The following TAF15 variants were observed in gnomAD, a reference collection of about 807,000 sequenced individuals.
The protein encoded by TAF15 is TATA-box binding protein associated factor 15.
TAF15 carries 37 observed loss-of-function variants against 102.5 expected under a neutral mutation model. That is an observed-to-expected ratio of 0.36 (90% CI 0.28 to 0.47). TAF15 has a LOEUF of 0.47. Among genes scored for constraint, TAF15 ranks in the 20% least tolerant of loss-of-function variants. The pLI, the probability that TAF15 is intolerant of heterozygous loss-of-function variation, is 0.99. For missense variants in TAF15, 652 were observed against 760.7 expected (o/e 0.86, Z 1.68); for synonymous variants, 273 against 259.2 (o/e 1.05, Z -0.51).
At chr17:35,817,887 G>T (rs2087213550) in intron 2 of TAF15, 132 bp downstream of exon 2, 1 of 768,264 alleles carries the variant, frequency 1.3e-6, no homozygotes, top group Admixed American at 2.2e-5. Context: ...AAGAGAGTCA[G>T]TGTAAATAGG....
intron 7 of TAF15, 33 bp downstream of exon 7, chr17:35,824,231 T>A (rs756528015): frequency 1.3e-6 from 2 of 1,599,304 alleles, no homozygotes; most frequent in East Asian, 4.5e-5. Flanking sequence ...GTACATTTCT[T>A]CTTCTTCCTC....
intron 1 of TAF15, 59 bp from the exon 2 acceptor site, chr17:35,817,657 C>G: frequency 6.7e-7 from 1 of 1,491,066 alleles, no homozygotes; most frequent in Admixed American, 1.7e-5. Flanking sequence ...GAGCTAAAGT[C>G]AGCCTTTGAA....
In TAF15 at chr17:35,844,072, C is replaced by G. The variant is rs747887131; in HGVS notation, c.1007-5C>G. ...GATTTTTCTCCCCTGGCCCCATCCC[C>G]CTAGGCCGTGGAGGATATAGAGGTC... On this transcript the variant is annotated splice_polypyrimidine_tract_variant and splice_region_variant and intron_variant, in intron 12 of 15. Transcript: ENST00000605844. 1.2e-6 allele frequency: 2 copies of G among 1,614,014 alleles called. No individual in the cohort carries two copies. The highest frequency in any genetic ancestry group is 3.3e-5 in the Admixed American group (2 of 60,016).
chr17:35,816,681 C>CT (rs1344058735), intron 1 of TAF15: 2 of 152,022 alleles, frequency 1.3e-5, no homozygotes, highest in South Asian at 2.1e-4. Context: ...TCATTTGACT[C>CT]TGAGTAAAGC....
In TAF15 at chr17:35,834,995, C is replaced by G. The variant is rs4251761; in HGVS notation, c.673+397C>G. ...TCCTGACCTCGAGATCCGCCTGTCT[C>G]AGCCTCCCACAGTGCTGGGAATACA... On this transcript the variant is annotated intron_variant, in intron 9 of 15. Transcript: ENST00000605844. Among the ~76,000 whole-genome samples, 5 of 152,056 alleles carry G rather than the reference C, an allele frequency of 3.3e-5. No individual in the cohort carries two copies. In the East Asian group the frequency reaches 7.7e-4, roughly 24 times the overall value.
chr17:35,841,977 T>C (rs1295183683), intron 11 of TAF15, among the ~76,000 whole-genome samples: 1 of 151,964 alleles, frequency 6.6e-6, no homozygotes, highest in Non-Finnish European at 1.5e-5. Flanking sequence ...AGATTACAGA[T>C]ATAAGCCACT....
At chr17:35,814,170 G>A (rs925359885) in intron 1 of TAF15, among the ~76,000 whole-genome samples, 1 of 150,974 alleles carries the variant, frequency 6.6e-6, no homozygotes, top group African/African-American at 2.4e-5. Flanking sequence ...ACCAAAAGGT[G>A]ATTTTTTTTT....
At chr17:35,821,076 A>G (rs983934971) in intron 5 of TAF15, among the ~76,000 whole-genome samples, 19 of 152,324 alleles carry the variant, frequency 1.2e-4, no homozygotes, top group Admixed American at 9.1e-4. Flanking sequence ...AAATAGTGTC[A>G]GTGATTCCCA....
Position 35,822,755 on chromosome 17 carries a change from G to A in TAF15, c.406G>A (p.Asp136Asn). Residue 136 changes from aspartate to asparagine, a missense_variant, in exon 6 of 16, where the codon GAT becomes AAT. By Grantham distance (23) the Asp-to-Asn change is conservative. Around this residue, in one of 3 missense-constraint regions of TAF15, gnomAD observed 243 missense variants for 284.1 expected, o/e 0.86. Transcript: ENST00000605844. The stretch of plus-strand genomic sequence containing the variant: ...CTCATATGATGAGCAGTCAAATTAT[G>A]ATCAGCAGCATGATTCCTATAGTCA... The part of the protein sequence containing the change: ...QGSYDEQSNY[D>N]QQHDSYSQNQ... 6.2e-7 allele frequency: 1 copy of A among 1,614,154 alleles called. No homozygotes were observed. The highest frequency in any genetic ancestry group is 2.2e-5 in the East Asian group (1 of 44,878).
chr17:35,844,163 G>T lies in TAF15; in HGVS notation c.1088+5G>T. On this transcript the variant is annotated splice_donor_5th_base_variant and intron_variant, in intron 13 of 15. Transcript: ENST00000605844. ...GGATTGGGTTTGCCCTAATCCGTAA[G>T]TGTCTTGTTTACTTTGGTGAGAGTA... is the stretch of plus-strand genomic sequence containing the variant. 1 of 1,614,150 alleles carries T rather than the reference G, an allele frequency of 6.2e-7. No homozygotes were observed. Among genetic ancestry groups the T allele is most frequent in the South Asian group, 1.1e-5 (1 of 91,074 alleles).
In TAF15 at chr17:35,844,495, A is replaced by G. The variant is rs1279787383; in HGVS notation, c.1196A>G (p.Tyr399Cys). 2.5e-6 allele frequency: 4 copies of G among 1,613,046 alleles called. No individual in the cohort carries two copies. The highest frequency in any genetic ancestry group is 1.7e-6 in the Non-Finnish European group (2 of 1,179,478). The change falls in exon 15 of 16, where the codon TAC becomes TGC. Residue 399 changes from tyrosine to cysteine, a missense_variant. Coordinates refer to ENST00000605844, the MANE Select transcript of TAF15 (RefSeq NM_139215.3). ...CTTGCAGATTTCCGGGGGAGAGGCT[A>G]CGGTGGAGAGAGGGGCTACAGAGGT... ...PSGGDFRGRG[Y>C]GGERGYRGRG...
At chr17:35,817,650 C>A in intron 1 of TAF15, 66 bp from the exon 2 acceptor site, 1 of 1,435,528 alleles carries the variant, frequency 7.0e-7, no homozygotes, top group Non-Finnish European at 9.8e-7. Flanking sequence ...TCTGTATGAG[C>A]TAAAGTCAGC....
intron 15 of TAF15, among the ~76,000 whole-genome samples, chr17:35,846,008 C>A (rs889650952): frequency 2.0e-5 from 3 of 152,082 alleles, no homozygotes; most frequent in Admixed American, 1.3e-4. Flanking sequence ...GATAACTTTT[C>A]CAGATGAAAA....
intron 8 of TAF15, 156 bp from the exon 9 acceptor site, chr17:35,834,410 C>T (rs1233033307): frequency 1.5e-6 from 1 of 678,804 alleles, no homozygotes; most frequent in African/African-American, 1.8e-5. Flanking sequence ...TTAAATAAAA[C>T]ATAATTTATA....
rs1211697448 is a variant in TAF15 at position 35,824,092 on chromosome 17, G to A, written c.499G>A (p.Val167Met). The change falls in exon 7 of 16, where the codon GTG (valine) becomes ATG (methionine). Residue 167 changes from valine to methionine, a missense_variant. Physicochemically the swap from Val to Met is conservative, Grantham distance 21 (BLOSUM62 1). Transcript: ENST00000605844. ...CTTTTTTGTAGATGACCGTCGTGAT[G>A]TGAGTAGGTATGGAGAAGATAATAG... ...SHHTQDDRRDVSRYGEDNRGY... is the reference protein window; with the variant it reads ...SHHTQDDRRDMSRYGEDNRGY... 9 of 1,614,066 alleles carry A rather than the reference G, an allele frequency of 5.6e-6. No individual in the cohort carries two copies. The Admixed American group carries it at 8.3e-5, about 15-fold the overall frequency.
intron 1 of TAF15, 89 bp downstream of exon 1, chr17:35,809,665 A>G (rs1364361910): frequency 3.8e-6 from 6 of 1,584,668 alleles, no homozygotes; most frequent in Non-Finnish European, 5.2e-6. Flanking sequence ...GGCCCTGAGG[A>G]GAAGCCTCCG....
At chr17:35,809,791 CTCT>C (rs1010437775) in intron 1 of TAF15, 34 of 648,602 alleles carry the variant, frequency 5.2e-5, no homozygotes, top group African/African-American at 4.7e-4. Context: ...CGCCTCGGGC[CTCT>C]TGTCTTTTGA....
intron 8 of TAF15, 76 bp downstream of exon 8, chr17:35,834,017 TA>T (rs1305617343): frequency 1.3e-6 from 2 of 1,505,522 alleles, no homozygotes; most frequent in African/African-American, 2.8e-5. Flanking sequence ...CCCGCAGATG[TA>T]GTCAAAAGTC....
chr17:35,817,897 G>A, intron 2 of TAF15, 142 bp downstream of exon 2: 1 of 740,274 alleles, frequency 1.4e-6, no homozygotes, highest in Non-Finnish European at 2.4e-6. Flanking sequence ...GTGTAAATAG[G>A]TGCTGTAAGA....
Sources: gnomAD v4.1 joint callset for allele counts (sites outside exome capture counted in the v4.1 genomes callset) on GRCh38, gnomAD v4.1.1 for gene constraint, gnomAD v4.1.1 regional missense constraint, MANE v1.5 for transcripts, NCBI Gene and HGNC (gene_info 2026-07-23, HGNC 2026-07-21) for gene names.